The following MAGI3 variants were observed in gnomAD, a reference collection of about 807,000 sequenced individuals.
The protein encoded by MAGI3 is membrane-associated guanylate kinase, WW and PDZ domain-containing protein 3.
A neutral mutation model predicts 121.8 loss-of-function variants in MAGI3; 43 were observed. The observed-to-expected ratio is 0.35, with a 90% confidence interval of 0.28 to 0.46. The LOEUF is 0.46. Ranked by LOEUF, MAGI3 falls within the 20% of genes least tolerant of loss-of-function variation. MAGI3 has a pLI of 1.00. For missense variants in MAGI3, 1,547 were observed against 1,797.3 expected, an observed-to-expected ratio of 0.86 and a Z score of 2.52; for synonymous variants, 553 against 639.3, an observed-to-expected ratio of 0.86 and a Z score of 2.04.
At chr1:113,598,185 C>G (rs962143413) in intron 6 of MAGI3, among the ~76,000 whole-genome samples, 1 of 152,036 alleles carries the variant, frequency 6.6e-6, no homozygotes, top group African/African-American at 2.4e-5. Flanking sequence ...GTACTCCAGC[C>G]TGGGCAACAG....
chr1:113,534,304 T>C (rs1658864240), intron 1 of MAGI3, among the ~76,000 whole-genome samples: 1 of 152,216 alleles, frequency 6.6e-6, no homozygotes, highest in Non-Finnish European at 1.5e-5. Context: ...TGCATCCTGG[T>C]AAAATATTTA....
At chr1:113,437,880 C>CTTCCTCTT (rs1557757197) in intron 1 of MAGI3, among the ~76,000 whole-genome samples, 166 of 16,952 alleles carry the variant, frequency 9.8e-3, no homozygotes, top group East Asian at 0.024. Context: ...TTCTTCTTCT[C>CTTCCTCTT]CTTCTCCTTC....
chr1:113,402,792 G>T (rs575285659), intron 1 of MAGI3, among the ~76,000 whole-genome samples: 2 of 152,016 alleles, frequency 1.3e-5, no homozygotes, highest in Admixed American at 6.5e-5. Flanking sequence ...TGCTGGGTGC[G>T]GGACAAGAAG....
chr1:113,661,622 A>G (rs1477026696), intron 16 of MAGI3, among the ~76,000 whole-genome samples: 1 of 152,212 alleles, frequency 6.6e-6, no homozygotes, highest in East Asian at 1.9e-4. Context: ...ATTATCCAAG[A>G]TTGTTCATAA....
intron 9 of MAGI3, among the ~76,000 whole-genome samples, chr1:113,629,937 G>A (rs995251983): frequency 6.6e-6 from 1 of 151,754 alleles, no homozygotes; most frequent in African/African-American, 2.4e-5. Context: ...ACAGCCAGCT[G>A]TAACCACTAC....
intron 1 of MAGI3, among the ~76,000 whole-genome samples, chr1:113,448,547 A>G (rs568122268): frequency 2.0e-5 from 3 of 152,348 alleles, no homozygotes; most frequent in East Asian, 3.9e-4. Context: ...CTATAAACTA[A>G]TATCAGAGTT....
chr1:113,555,631 A>G (rs2101679027), intron 2 of MAGI3, among the ~76,000 whole-genome samples: 1 of 152,300 alleles, frequency 6.6e-6, no homozygotes, highest in South Asian at 2.1e-4. Context: ...CATGTTATCT[A>G]GCCATCATGA....
chr1:113,611,088 CTTT>C (rs139111390), intron 6 of MAGI3, among the ~76,000 whole-genome samples: 6 of 137,164 alleles, frequency 4.4e-5, no homozygotes, highest in Admixed American at 1.5e-4. Context: ...CATAATTATT[CTTT>C]TTTTTTTTTT....
At chr1:113,462,358 T>A (rs1480529211) in intron 1 of MAGI3, among the ~76,000 whole-genome samples, 1 of 152,124 alleles carries the variant, frequency 6.6e-6, no homozygotes, top group Non-Finnish European at 1.5e-5. Context: ...GGCACCTAAA[T>A]ACCATGGAAT....
chr1:113,640,684 A>G (rs1049295788), intron 9 of MAGI3, among the ~76,000 whole-genome samples: 10 of 151,748 alleles, frequency 6.6e-5, no homozygotes, highest in African/African-American at 2.4e-4. Flanking sequence ...ATGAGAACAC[A>G]TGGACACAGG....
chr1:113,607,451 T>C lies in MAGI3; in HGVS notation c.1019-7150T>C, dbSNP rs149193982. On this transcript the variant is annotated intron_variant, in intron 6 of 20. Transcript: ENST00000307546. ...ACTAACCTCACATAAAATGGAAATG[T>C]CACTTTAAAAGATTTCTACAAAAAC... 2.7e-3 allele frequency among the ~76,000 whole-genome samples: 410 copies of C among 152,320 alleles called. 2 individuals are homozygous for C. The highest frequency in any genetic ancestry group is 6.8e-3 in the Middle Eastern group (2 of 294).
intron 1 of MAGI3, among the ~76,000 whole-genome samples, chr1:113,463,650 T>C (rs1655140498): frequency 1.3e-5 from 2 of 152,036 alleles, no homozygotes; most frequent in African/African-American, 2.4e-5. Flanking sequence ...GAGGCAAATT[T>C]TACAATAAAT....
Position 113,643,764 on chromosome 1 carries a change from C to G in MAGI3, c.1988C>G (p.Thr663Ser), listed in dbSNP as rs1570990101. The G allele has an allele frequency of 6.2e-7, 1 of 1,613,762 alleles. No homozygotes were observed. Among genetic ancestry groups the G allele is most frequent in the Non-Finnish European group, 8.5e-7 (1 of 1,179,794 alleles). ...LRGGPPSPTK[T>S]AKMKTDKKEN... ...TAAGGTCCTCCTTCACCAACCAAAACTGCCAAAATGGTGAGTATACACTGG... is the reference window on the plus strand; with the variant it reads ...TAAGGTCCTCCTTCACCAACCAAAAGTGCCAAAATGGTGAGTATACACTGG... Residue 663 changes from threonine to serine, a missense_variant, in exon 11 of 21, where the codon ACT becomes AGT. Physicochemically the swap from Thr to Ser is moderately conservative, Grantham distance 58 (BLOSUM62 1). Coordinates refer to ENST00000307546, the MANE Select transcript of MAGI3 (RefSeq NM_001142782.2).
At chr1:113,412,185 C>G (rs1652037671) in intron 1 of MAGI3, among the ~76,000 whole-genome samples, 1 of 152,014 alleles carries the variant, frequency 6.6e-6, no homozygotes, top group African/African-American at 2.4e-5. Flanking sequence ...ATCCATGTCC[C>G]TGCAAAGTTC....
chr1:113,411,738 A>T (rs1257773848), intron 1 of MAGI3, among the ~76,000 whole-genome samples: 1 of 151,912 alleles, frequency 6.6e-6, no homozygotes, highest in Non-Finnish European at 1.5e-5. Flanking sequence ...TTTTCTATAA[A>T]AGTGAACTTG....
At chr1:113,516,917 A>G (rs1449328631) in intron 1 of MAGI3, among the ~76,000 whole-genome samples, 2 of 152,050 alleles carry the variant, frequency 1.3e-5, no homozygotes, top group South Asian at 2.1e-4. Context: ...TCAAAAACAC[A>G]TAACCCCAGT....
At chr1:113,444,018 TA>T (rs1185893078) in intron 1 of MAGI3, among the ~76,000 whole-genome samples, 4 of 152,206 alleles carry the variant, frequency 2.6e-5, no homozygotes, top group African/African-American at 9.6e-5. Flanking sequence ...CTGTCTGATA[TA>T]ACTATTTTGG....
intron 1 of MAGI3, among the ~76,000 whole-genome samples, chr1:113,405,659 C>T (rs940479637): frequency 2.6e-5 from 4 of 152,090 alleles, no homozygotes; most frequent in East Asian, 1.9e-4. Flanking sequence ...CTCCTGCCTA[C>T]GCCTTTAGTA....
At chr1:113,673,501 C>T (rs770795009) in intron 19 of MAGI3, 36 bp downstream of exon 19, 2 of 1,591,724 alleles carry the variant, frequency 1.3e-6, no homozygotes, top group Non-Finnish European at 1.7e-6. Context: ...TAGGTTCAGG[C>T]TCTAGACTAG....
Sources: gnomAD v4.1 joint callset for allele counts (sites outside exome capture counted in the v4.1 genomes callset) on GRCh38, gnomAD v4.1.1 for gene constraint, MANE v1.5 for transcripts, NCBI Gene and HGNC (gene_info 2026-07-23, HGNC 2026-07-21) for gene names.